Variants in ATXN7 observed in about 807,000 individuals in gnomAD.
ATXN7 encodes ataxin 7.
Under a neutral mutation model 70.5 loss-of-function variants are expected in ATXN7, and 12 were observed. The observed-to-expected ratio is 0.17, with a 90% CI of 0.11 to 0.28. The LOEUF (loss-of-function observed/expected upper bound fraction) is 0.28. ATXN7 is among the 10% of genes least tolerant of loss of function. The pLI is 1.00. For synonymous variants in ATXN7, 498 were observed against 448.7 expected (o/e 1.11, Z -1.39); for missense variants, 1,256 against 1,131.7 (o/e 1.11, Z -1.58).
intron 2 of ATXN7, chr3:63,901,932 A>G (rs1703657023): frequency 6.6e-6 from 1 of 152,244 alleles, no homozygotes; most frequent in African/African-American, 2.4e-5. Context: ...AATATTCAGA[A>G]TAGGCAAATC....
At chr3:63,919,472 C>T (rs1473230512) in intron 4 of ATXN7, among the ~76,000 whole-genome samples, 4 of 152,010 alleles carry the variant, frequency 2.6e-5, no homozygotes, top group African/African-American at 7.2e-5. Context: ...TAATAAAATC[C>T]GTTAGTCTTA....
chr3:63,971,974 C>G (rs945922861), intron 5 of ATXN7, among the ~76,000 whole-genome samples: 2 of 152,010 alleles, frequency 1.3e-5, no homozygotes, highest in African/African-American at 4.8e-5. Flanking sequence ...TTCTAGTTTG[C>G]CTCAGGTCCT....
intron 5 of ATXN7, among the ~76,000 whole-genome samples, chr3:63,962,890 T>C (rs13434089): frequency 0.15 from 23,170 of 150,276 alleles, 2,115 homozygotes; most frequent in East Asian, 0.4. Context: ...TTTGATGTAA[T>C]ACCAGAATTT....
intron 4 of ATXN7, among the ~76,000 whole-genome samples, chr3:63,930,372 A>G (rs1305634775): frequency 6.6e-6 from 1 of 152,196 alleles, no homozygotes; most frequent in Non-Finnish European, 1.5e-5. Flanking sequence ...TGCCTGATGA[A>G]GATATCCTGT....
chr3:63,885,410 T>A (rs1483574107), intron 1 of ATXN7, among the ~76,000 whole-genome samples: 1 of 152,208 alleles, frequency 6.6e-6, no homozygotes, highest in African/African-American at 2.4e-5. Context: ...TCACTCCTGT[T>A]AGAATGGCTA....
intron 4 of ATXN7, among the ~76,000 whole-genome samples, chr3:63,942,891 C>T (rs931514558): frequency 5.3e-5 from 8 of 152,178 alleles, no homozygotes; most frequent in Non-Finnish European, 1.2e-4. Context: ...GCCCAAGGGT[C>T]ATGCTCCTAA....
chr3:63,868,075 C>G (rs1253872519), intron 1 of ATXN7, among the ~76,000 whole-genome samples: 1 of 152,110 alleles, frequency 6.6e-6, no homozygotes. Context: ...CAGACCAGAT[C>G]GTTTGATGGT....
At chr3:63,967,754 G>A in intron 5 of ATXN7, 1 of 1,417,842 alleles carries the variant, frequency 7.1e-7, no homozygotes, top group Non-Finnish European at 9.2e-7. Context: ...GTTTTCTGTT[G>A]ATCTGCCAGG....
chr3:63,912,985 TC>T, intron 3 of ATXN7, 62 bp downstream of exon 3: 9 of 617,146 alleles, frequency 1.5e-5, no homozygotes, highest in Non-Finnish European at 1.9e-5. Context: ...TCTCCTCCCC[TC>T]CCCCCTGCCC....
At chr3:63,937,935 G>C (rs2074693356) in intron 4 of ATXN7, among the ~76,000 whole-genome samples, 1 of 152,180 alleles carries the variant, frequency 6.6e-6, no homozygotes, top group South Asian at 2.1e-4. Context: ...AAAGTACTTA[G>C]CACACTGTTT....
At chr3:63,925,075 T>C (rs1414181149) in intron 4 of ATXN7, among the ~76,000 whole-genome samples, 1 of 152,172 alleles carries the variant, frequency 6.6e-6, no homozygotes, top group Non-Finnish European at 1.5e-5. Flanking sequence ...AGAGACTTTA[T>C]CACATTCTCA....
chr3:63,968,973 A>G (rs3774721), intron 5 of ATXN7, among the ~76,000 whole-genome samples: 16,192 of 152,294 alleles, frequency 0.11, 1,056 homozygotes, highest in Middle Eastern at 0.16. Flanking sequence ...TTGATTCTCT[A>G]TAATTGATTT....
rs867814278 is a variant in ATXN7 at position 63,999,699 on chromosome 3, T to A, written c.*232T>A. On this transcript the variant is annotated 3_prime_UTR_variant, in exon 13 of 13. Transcript: ENST00000674280. ...GGATCAAGTTCAGCCACCGAATTGC[T>A]TTTATCAGTGTTAAAGTGGTCTGAA... 32 of 731,386 alleles carry A rather than the reference T, an allele frequency of 4.4e-5. 1 individual carries two copies. In the African/African-American group the frequency reaches 4.9e-4, roughly 11 times the overall value. The allele number at this position is 731,386 out of a possible 1,614,324, so 45.3% of individuals were successfully genotyped here.
chr3:63,980,551 T>A (rs1294095592), intron 6 of ATXN7: 3 of 208,350 alleles, frequency 1.4e-5, no homozygotes, highest in African/African-American at 4.6e-5. Flanking sequence ...TCAAGTCACA[T>A]AGGCCTGGAT....
intron 5 of ATXN7, among the ~76,000 whole-genome samples, chr3:63,962,908 CTTTTTTT>C (rs71631179): frequency 8.8e-5 from 12 of 136,342 alleles, no homozygotes; most frequent in East Asian, 2.1e-4. Flanking sequence ...TTTTGTATTT[CTTTTTTT>C]TTTTTTTTTT....
rs764892204 is a variant in ATXN7 at position 63,999,447 on chromosome 3, A to C, written c.2662-3A>C. 2 of 1,613,712 alleles carry C rather than the reference A, an allele frequency of 1.2e-6. No homozygotes were observed. The highest frequency in any genetic ancestry group is 1.1e-5 in the South Asian group (1 of 91,030). ...TATTTCCCCACCCCCTCTTTTTTGAAAGCCAAAGGCACGTCCCTGACAGCT... is the reference window on the plus strand; with the variant it reads ...TATTTCCCCACCCCCTCTTTTTTGACAGCCAAAGGCACGTCCCTGACAGCT... On this transcript the variant is annotated splice_region_variant and splice_polypyrimidine_tract_variant and intron_variant, in intron 12 of 12. Transcript: ENST00000674280.
chr3:63,944,555 C>G (rs919241082), intron 4 of ATXN7, among the ~76,000 whole-genome samples: 1 of 152,010 alleles, frequency 6.6e-6, no homozygotes, highest in African/African-American at 2.4e-5. Flanking sequence ...TCCTGCTGTT[C>G]GGAATGGCTT....
chr3:63,870,103 C>T (rs574033866), intron 1 of ATXN7, among the ~76,000 whole-genome samples: 1 of 152,308 alleles, frequency 6.6e-6, no homozygotes, highest in Non-Finnish European at 1.5e-5. Context: ...CAGGTCTCTA[C>T]ACCTACTCAG....
At chr3:63,916,418 A>G (rs1164634916) in intron 4 of ATXN7, among the ~76,000 whole-genome samples, 3 of 152,198 alleles carry the variant, frequency 2.0e-5, no homozygotes, top group Non-Finnish European at 2.9e-5. Flanking sequence ...CAAAAGGATC[A>G]TTTACACGTC....
Sources: allele counts gnomAD v4.1 joint callset (sites outside exome capture counted in the v4.1 genomes callset), GRCh38; gene constraint gnomAD v4.1.1; transcripts MANE v1.5; gene names NCBI Gene and HGNC (gene_info 2026-07-23, HGNC 2026-07-21).